The following NKAIN2 variants were observed in gnomAD, a reference collection of about 807,000 sequenced individuals.
NKAIN2 encodes the protein sodium/potassium-transporting ATPase subunit beta-1-interacting protein 2.
In NKAIN2, 14 loss-of-function variants were observed where a neutral mutation model predicts 32.6. That is an observed-to-expected ratio of 0.43 (90% CI 0.28 to 0.67). The LOEUF (loss-of-function observed/expected upper bound fraction) is 0.67. Ranked by LOEUF, NKAIN2 falls within the 30% of genes least tolerant of loss-of-function variation. The pLI is 0.17. For missense variants in NKAIN2, 198 were observed against 258.3 expected, an observed-to-expected ratio of 0.77 and a Z score of 1.60; for synonymous variants, 80 against 87.2, an observed-to-expected ratio of 0.92 and a Z score of 0.46.
At chr6:124,064,364 A>G (rs1002238727) in intron 1 of NKAIN2, among the ~76,000 whole-genome samples, 1 of 152,198 alleles carries the variant, frequency 6.6e-6, no homozygotes, top group Admixed American at 6.5e-5. Flanking sequence ...TTTTGGGAAT[A>G]ACCATATTAA....
At chr6:124,121,543 A>G (rs1259818525) in intron 1 of NKAIN2, among the ~76,000 whole-genome samples, 1 of 152,134 alleles carries the variant, frequency 6.6e-6, no homozygotes, top group East Asian at 1.9e-4. Flanking sequence ...GAAGATAAGC[A>G]TATCAAACAG....
chr6:124,049,351 A>G (rs17086542), intron 1 of NKAIN2, among the ~76,000 whole-genome samples: 2,239 of 152,110 alleles, frequency 0.015, 53 homozygotes, highest in African/African-American at 0.051. Context: ...CTAAGATGCA[A>G]TGAAGGGTCC....
chr6:124,153,332 G>A (rs565700430), intron 1 of NKAIN2, among the ~76,000 whole-genome samples: 3 of 151,644 alleles, frequency 2.0e-5, no homozygotes, highest in Non-Finnish European at 4.4e-5. Context: ...TAGATTCTTT[G>A]AGTTTCTACA....
At chr6:124,698,593 A>G (rs1011729630) in intron 4 of NKAIN2, among the ~76,000 whole-genome samples, 2 of 152,216 alleles carry the variant, frequency 1.3e-5, no homozygotes, top group African/African-American at 2.4e-5. Flanking sequence ...CCGACTTACA[A>G]TCTTGCAGGA....
chr6:124,455,157 A>G (rs1024573594), intron 3 of NKAIN2, among the ~76,000 whole-genome samples: 5 of 152,082 alleles, frequency 3.3e-5, no homozygotes, highest in African/African-American at 1.2e-4. Flanking sequence ...ACATGTGCAT[A>G]CAATATTCAG....
At chr6:124,198,626 A>C (rs1186782252) in intron 1 of NKAIN2, among the ~76,000 whole-genome samples, 1 of 151,676 alleles carries the variant, frequency 6.6e-6, no homozygotes, top group Non-Finnish European at 1.5e-5. Flanking sequence ...GTATATCTTT[A>C]CTGCTTCTCT....
At chr6:123,949,644 T>A (rs2114579518) in intron 1 of NKAIN2, among the ~76,000 whole-genome samples, 1 of 152,206 alleles carries the variant, frequency 6.6e-6, no homozygotes, top group South Asian at 2.1e-4. Flanking sequence ...TTTTATATGT[T>A]TATTTTGTAT....
At chr6:124,541,116 C>T (rs1779894497) in intron 3 of NKAIN2, among the ~76,000 whole-genome samples, 1 of 151,762 alleles carries the variant, frequency 6.6e-6, no homozygotes, top group African/African-American at 2.4e-5. Context: ...TCCATTTTTA[C>T]ATACACACAT....
At chr6:124,459,084 C>T (rs538258564) in intron 3 of NKAIN2, among the ~76,000 whole-genome samples, 47 of 151,856 alleles carry the variant, frequency 3.1e-4, no homozygotes, top group South Asian at 6.2e-4. Context: ...AATGTGGGTA[C>T]GCTAAAATTC....
At chr6:123,869,129 A>G (rs1279143173) in intron 1 of NKAIN2, among the ~76,000 whole-genome samples, 2 of 152,244 alleles carry the variant, frequency 1.3e-5, no homozygotes, top group African/African-American at 4.8e-5. Context: ...GCTTTTAACA[A>G]AAGGGAAAAT....
At chr6:124,462,147 A>G (rs926320652) in intron 3 of NKAIN2, among the ~76,000 whole-genome samples, 1 of 151,848 alleles carries the variant, frequency 6.6e-6, no homozygotes, top group African/African-American at 2.4e-5. Context: ...ACAGCTTCTA[A>G]AAGCATTACC....
intron 3 of NKAIN2, among the ~76,000 whole-genome samples, chr6:124,432,939 C>T (rs1459288354): frequency 6.6e-6 from 1 of 152,040 alleles, no homozygotes; most frequent in Non-Finnish European, 1.5e-5. Context: ...TGCTTGGCTC[C>T]CCCCGACACA....
intron 1 of NKAIN2, among the ~76,000 whole-genome samples, chr6:124,059,140 T>C (rs893296059): frequency 6.6e-6 from 1 of 151,994 alleles, no homozygotes; most frequent in Non-Finnish European, 1.5e-5. Context: ...TGCAAATGAC[T>C]GCAACTAGGA....
intron 2 of NKAIN2, among the ~76,000 whole-genome samples, chr6:124,330,000 A>G (rs1026216292): frequency 2.6e-5 from 4 of 152,222 alleles, no homozygotes; most frequent in African/African-American, 7.2e-5. Flanking sequence ...AAGGGATCCA[A>G]TGTAATCATC....
At chr6:124,254,529 AT>A (rs1265946410) in intron 1 of NKAIN2, among the ~76,000 whole-genome samples, 1 of 152,090 alleles carries the variant, frequency 6.6e-6, no homozygotes, top group African/African-American at 2.4e-5. Flanking sequence ...TCACTATTAT[AT>A]TATAAAAACC....
chr6:123,884,100 C>G (rs545872368), intron 1 of NKAIN2, among the ~76,000 whole-genome samples: 1 of 152,036 alleles, frequency 6.6e-6, no homozygotes, highest in Admixed American at 6.6e-5. Flanking sequence ...TCCTGATCCT[C>G]TCCCTCCTCC....
chr6:123,884,398 C>T (rs1004853337), intron 1 of NKAIN2, among the ~76,000 whole-genome samples: 41 of 152,040 alleles, frequency 2.7e-4, no homozygotes, highest in African/African-American at 9.7e-4. Context: ...ATTTTTGTTC[C>T]TTTTAAGGAA....
At chr6:124,675,897 GTTCT>G (rs148561302) in intron 4 of NKAIN2, among the ~76,000 whole-genome samples, 15,933 of 149,508 alleles carry the variant, frequency 0.11, 1,245 homozygotes, top group East Asian at 0.34. Flanking sequence ...TCTTTTTCTG[GTTCT>G]TTGAGTTGTA....
chr6:123,900,505 C>T (rs1368549219), intron 1 of NKAIN2, among the ~76,000 whole-genome samples: 3 of 116,082 alleles, frequency 2.6e-5, no homozygotes, highest in Non-Finnish European at 5.2e-5. Context: ...AAAAGAAAAA[C>T]GGGCAAGGTT....
Sources: allele counts gnomAD v4.1 joint callset (sites outside exome capture counted in the v4.1 genomes callset), GRCh38; gene constraint gnomAD v4.1.1; transcripts MANE v1.5; gene names NCBI Gene and HGNC (gene_info 2026-07-23, HGNC 2026-07-21).